The following CRMP1 variants were observed in gnomAD, a reference collection of about 807,000 sequenced individuals.
CRMP1 encodes the protein dihydropyrimidinase-related protein 1.
CRMP1 carries 19 observed loss-of-function variants against 68.3 expected under a neutral mutation model. That is an observed-to-expected ratio of 0.28 (90% CI 0.19 to 0.41). The LOEUF (loss-of-function observed/expected upper bound fraction) is 0.41. Ranked by LOEUF, CRMP1 falls within the 10% of genes least tolerant of loss-of-function variation. The pLI, the probability that CRMP1 is intolerant of heterozygous loss-of-function variation, is 1.00. For missense variants in CRMP1, 791 were observed against 967.4 expected (o/e 0.82, Z 2.42); for synonymous variants, 439 against 399.6 (o/e 1.10, Z -1.18).
Position 5,888,428 on chromosome 4 carries a change from C to G in CRMP1, c.381+4161G>C. On this transcript the variant is annotated intron_variant, in intron 1 of 13. Coordinates refer to ENST00000324989, the MANE Select transcript of CRMP1 (RefSeq NM_001014809.3). The surrounding 1 kb of genome is among the most constrained non-coding windows in gnomAD (Gnocchi z 6.4). ...CCGTGGATGCCCACGCGCGGCTGCC[C>G]CGGCTGCTCGGCCCGCCCGCCGCCG... 3 of 1,216,296 alleles carry G rather than the reference C, an allele frequency of 2.5e-6. No individual in the cohort carries two copies. The highest frequency in any genetic ancestry group is 3.1e-6 in the Non-Finnish European group (3 of 978,158). The allele number at this position is 1,216,296 out of a possible 1,614,324, so 75.3% of individuals were successfully genotyped here.
Position 5,855,678 on chromosome 4 carries a change from G to A in CRMP1, c.820+465C>T, listed in dbSNP as rs58839720. ...TGCCCCAAAGGAGGCCTAAGTAACC[G>A]GCATTGGCTATTCAAGGAATGAAGC... On this transcript the variant is annotated intron_variant, in intron 4 of 13. Transcript: ENST00000324989. This position sits in a 1 kb window ranked among gnomAD's most constrained non-coding sequence, Gnocchi z 4.9. Among the ~76,000 whole-genome samples, 2,687 of 152,272 alleles carry A rather than the reference G, an allele frequency of 0.018. 86 individuals are homozygous for A. The highest frequency in any genetic ancestry group is 0.061 in the African/African-American group (2,548 of 41,542).
In CRMP1 at chr4:5,854,669, A is replaced by C. The variant is rs2152464999; in HGVS notation, c.820+1474T>G. Among the ~76,000 whole-genome samples, 1 of 152,322 alleles carries C rather than the reference A, an allele frequency of 6.6e-6. No individual in the cohort carries two copies. ...GCAAAATGTTGAATGTAATCAGTAAAGAACTGCCATGAAAACCACAATGGT... is the reference window on the plus strand; with the variant it reads ...GCAAAATGTTGAATGTAATCAGTAACGAACTGCCATGAAAACCACAATGGT... On this transcript the variant is annotated intron_variant, in intron 4 of 13. Transcript: ENST00000324989. This position sits in a 1 kb window ranked among gnomAD's most constrained non-coding sequence, Gnocchi z 4.0.
intron 6 of CRMP1, among the ~76,000 whole-genome samples, chr4:5,849,088 T>C (rs1418334430): frequency 6.6e-6 from 1 of 152,176 alleles, no homozygotes; most frequent in Non-Finnish European, 1.5e-5. Flanking sequence ...TTGCCCAAGG[T>C]CACATGGCTA....
intron 3 of CRMP1, among the ~76,000 whole-genome samples, chr4:5,857,116 A>G (rs1464002564): frequency 4.8e-5 from 1 of 20,950 alleles, no homozygotes; most frequent in African/African-American, 1.9e-4. Flanking sequence ...CACCACCACA[A>G]TCATCACCAT....
intron 13 of CRMP1, chr4:5,824,308 G>T: frequency 2.0e-6 from 2 of 985,284 alleles, no homozygotes; most frequent in Non-Finnish European, 2.4e-6. Context: ...TCTATTTAGG[G>T]TCCATTTTGT....
intron 4 of CRMP1, among the ~76,000 whole-genome samples, chr4:5,851,953 G>A (rs1408336566): frequency 8.3e-6 from 1 of 121,028 alleles, no homozygotes; most frequent in Non-Finnish European, 1.7e-5. Flanking sequence ...GAGAAAGGGA[G>A]AAGAAGGAGG....
In CRMP1 at chr4:5,861,642, G is replaced by C. The variant is rs565622706; in HGVS notation, c.471-432C>G. On this transcript the variant is annotated intron_variant, in intron 2 of 13. Transcript: ENST00000324989. This position sits in a 1 kb window ranked among gnomAD's most constrained non-coding sequence, Gnocchi z 6.0. ...TGGGGAAGGAGGGAAAAGAGCCTAC[G>C]AAATGAGAAACGAAGCCCCCGGGGA... Among the ~76,000 whole-genome samples the C allele has an allele frequency of 6.6e-6, 1 of 152,144 alleles. No individual in the cohort carries two copies. Among genetic ancestry groups the C allele is most frequent in the African/African-American group, 2.4e-5 (1 of 41,442 alleles).
chr4:5,852,432 C>A (rs918190044), intron 4 of CRMP1, among the ~76,000 whole-genome samples: 6 of 152,208 alleles, frequency 3.9e-5, no homozygotes, highest in South Asian at 2.1e-4. Context: ...GAAGGACGCA[C>A]TAAAATGCTT....
intron 2 of CRMP1, among the ~76,000 whole-genome samples, chr4:5,864,908 C>T (rs960203825): frequency 6.8e-5 from 6 of 87,958 alleles, no homozygotes; most frequent in Non-Finnish European, 6.2e-5. Flanking sequence ...AGGGGAGGCC[C>T]GGGCTGGATT....
intron 1 of CRMP1, among the ~76,000 whole-genome samples, chr4:5,869,379 T>A (rs982832900): frequency 1.3e-5 from 2 of 151,560 alleles, no homozygotes; most frequent in Non-Finnish European, 2.9e-5. Flanking sequence ...ATCCCTTGGG[T>A]GGGGGAGAAA....
Position 5,821,566 on chromosome 4 carries a change from G to T in CRMP1, c.*194C>A. The T allele has an allele frequency of 1.7e-6, 1 of 591,416 alleles. No homozygotes were observed. The highest frequency in any genetic ancestry group is 3.0e-6 in the Non-Finnish European group (1 of 335,938). 36.6% of individuals were successfully genotyped at this position (591,416 alleles called of 1,614,324 possible). On this transcript the variant is annotated 3_prime_UTR_variant, in exon 14 of 14. Transcript: ENST00000324989. This position sits in a 1 kb window ranked among gnomAD's most constrained non-coding sequence, Gnocchi z 4.4. ...TGGATTCAGCATGAACACAACTGTG[G>T]GGCAAGGAATTTCCAAGCAAACACA...
At chr4:5,824,295 C>T (rs924534186) in intron 13 of CRMP1, 4 of 985,230 alleles carry the variant, frequency 4.1e-6, no homozygotes, top group Non-Finnish European at 4.8e-6. Flanking sequence ...TGACTTTTAG[C>T]ATTCTATTTA....
chr4:5,890,481 C>A lies in CRMP1; in HGVS notation c.381+2108G>T, dbSNP rs892122120. ...AGCCCTGGAGCGGTGAGGCCCGCCC[C>A]GGAACCCGAGCCCACTGTAACCCAA... is the stretch of plus-strand genomic sequence containing the variant. On this transcript the variant is annotated intron_variant, in intron 1 of 13. Transcript: ENST00000324989. The surrounding 1 kb of genome is among the most constrained non-coding windows in gnomAD (Gnocchi z 5.5). Among the ~76,000 whole-genome samples the A allele has an allele frequency of 6.6e-6, 1 of 152,216 alleles. No homozygotes were observed. Among genetic ancestry groups the A allele is most frequent in the African/African-American group, 2.4e-5 (1 of 41,462 alleles).
chr4:5,856,037 A>G, intron 4 of CRMP1, 106 bp downstream of exon 4: 1 of 1,330,714 alleles, frequency 7.5e-7, no homozygotes, highest in East Asian at 2.3e-5. Context: ...GCTCATAATC[A>G]GGCTCAGAAC....
rs747027058 is a variant in CRMP1 at position 5,835,933 on chromosome 4, T to A, written c.1605A>T (p.Thr535=). 1 of 1,558,834 alleles carries A rather than the reference T, an allele frequency of 6.4e-7. No individual in the cohort carries two copies. The highest frequency in any genetic ancestry group is 1.4e-5 in the African/African-American group (1 of 72,264). Residue 535 remains threonine (T), a synonymous_variant, in exon 11 of 14, where the codon ACA becomes ACT. Transcript: ENST00000324989. ...GACTTACCGACTTGTGACTTTTGGC[T>A]GTTATGGTCTTCAACTTGTCGGGGT... is the stretch of plus-strand genomic sequence containing the variant. ...IWDPDKLKTI[T]AKSHKSAVEY... is the part of the protein sequence containing the mutation.
At position 5,866,808 on chromosome 4, in the gene CRMP1, G is replaced by T; in HGVS notation, c.382-52C>A. On this transcript the variant is annotated intron_variant, in intron 1 of 13. Coordinates refer to ENST00000324989, the MANE Select transcript of CRMP1 (RefSeq NM_001014809.3). The surrounding 1 kb of genome is among the most constrained non-coding windows in gnomAD (Gnocchi z 5.9). ...ATCCTTGGTGAAAAGCCAGGATAAA[G>T]TTTTTTCTTTTTAATTTTTAATATA... 3.0e-6 allele frequency: 4 copies of T among 1,349,556 alleles called. No homozygotes were observed. In the South Asian group the frequency reaches 4.1e-5, roughly 14 times the overall value. The allele number at this position is 1,349,556 out of a possible 1,614,324, so 83.6% of individuals were successfully genotyped here. A position where few individuals can be genotyped will look rare whatever the true frequency, so the allele number is the denominator to read the frequency against.
At chr4:5,857,126 T>C (rs200174711) in intron 3 of CRMP1, among the ~76,000 whole-genome samples, 1,715 of 126,758 alleles carry the variant, frequency 0.014, 12 homozygotes, top group Non-Finnish European at 0.02. Flanking sequence ...ATCATCACCA[T>C]CACCACCACC....
intron 11 of CRMP1, among the ~76,000 whole-genome samples, chr4:5,831,455 C>G (rs1289101940): frequency 6.6e-6 from 1 of 152,176 alleles, no homozygotes; most frequent in Non-Finnish European, 1.5e-5. Flanking sequence ...CTCGCAGGAC[C>G]CAGGCAGACA....
At chr4:5,857,075 CCACCACCACCATTATCACTAACAT>C (rs1713173464) in intron 3 of CRMP1, among the ~76,000 whole-genome samples, 2 of 140,142 alleles carry the variant, frequency 1.4e-5, no homozygotes, top group South Asian at 2.4e-4. Flanking sequence ...CCCACCATCA[CCACCACCACCATTATCACTAACAT>C]CACCACCACC....
Sources: allele counts gnomAD v4.1 joint callset (sites outside exome capture counted in the v4.1 genomes callset), GRCh38; gene constraint gnomAD v4.1.1; non-coding constraint Gnocchi (gnomAD v3.1); transcripts MANE v1.5; gene names NCBI Gene and HGNC (gene_info 2026-07-23, HGNC 2026-07-21).